NEDD4L: variants seen among roughly 807,000 people sequenced by gnomAD.
The protein encoded by NEDD4L is NEDD4 like E3 ubiquitin protein ligase.
In NEDD4L, 54 loss-of-function variants were observed where a neutral mutation model predicts 148.9. That is an observed-to-expected ratio of 0.36 (90% CI 0.29 to 0.45). The LOEUF is 0.45. Among genes scored for constraint, NEDD4L ranks in the 20% least tolerant of loss-of-function variants. The probability of loss-of-function intolerance (pLI) is 1.00; values close to 1 mark genes in which losing one functional copy is unlikely to be tolerated. For missense variants in NEDD4L, 856 were observed against 1,233.8 expected (o/e 0.69, Z 4.59); for synonymous variants, 433 against 440.7 (o/e 0.98, Z 0.22).
chr18:58,352,800 T>A (rs1467053299), intron 18 of NEDD4L, among the ~76,000 whole-genome samples: 1 of 152,238 alleles, frequency 6.6e-6, no homozygotes, highest in Non-Finnish European at 1.5e-5. Context: ...TGGAGAGCAT[T>A]GCACACAATA....
chr18:58,159,777 G>A (rs1257885349), intron 1 of NEDD4L, among the ~76,000 whole-genome samples: 1 of 152,212 alleles, frequency 6.6e-6, no homozygotes, highest in East Asian at 1.9e-4. Context: ...AATGCAGAGA[G>A]TGTTTACCCT....
chr18:58,173,103 CA>C (rs1437253924), intron 2 of NEDD4L, among the ~76,000 whole-genome samples: 1 of 152,188 alleles, frequency 6.6e-6, no homozygotes, highest in Non-Finnish European at 1.5e-5. Flanking sequence ...GTTCAAATTT[CA>C]AACTCTTCTT....
intron 24 of NEDD4L, among the ~76,000 whole-genome samples, chr18:58,383,020 G>C (rs561004765): frequency 1.3e-5 from 2 of 152,280 alleles, no homozygotes; most frequent in South Asian, 2.1e-4. Flanking sequence ...ATAATTAAAA[G>C]TCATAAATAA....
At chr18:58,254,560 C>CAAAA (rs71173040) in intron 5 of NEDD4L, among the ~76,000 whole-genome samples, 1,143 of 111,852 alleles carry the variant, frequency 0.01, 8 homozygotes, top group Non-Finnish European at 0.015. Context: ...AAATTATTAC[C>CAAAA]AAAAAAAAAA....
chr18:58,095,538 G>A (rs886589032), intron 1 of NEDD4L, among the ~76,000 whole-genome samples: 6 of 152,170 alleles, frequency 3.9e-5, no homozygotes, highest in African/African-American at 7.2e-5. Context: ...GGGCTCAGTC[G>A]GGGCCAAAGG....
chr18:58,208,103 A>G (rs751845713), intron 2 of NEDD4L, among the ~76,000 whole-genome samples: 12 of 152,220 alleles, frequency 7.9e-5, no homozygotes, highest in Non-Finnish European at 1.5e-4. Context: ...GGAACATTAA[A>G]TGGTTCCTAC....
In NEDD4L at chr18:58,391,513, A is replaced by G. The variant is rs757461439; in HGVS notation, c.2779A>G (p.Ile927Val). The change falls in exon 30 of 31, where the codon ATA (isoleucine) becomes GTA (valine). Residue 927 changes from isoleucine to valine, a missense_variant. Around this residue, in one of 4 missense-constraint regions of NEDD4L, gnomAD observed 286 missense variants for 531.8 expected, o/e 0.54. Transcript: ENST00000400345. ...YGSNGPQLFT[I>V]EQWGSPEKLP... ...TTCCAATGGTCCTCAGCTGTTTACA[A>G]TAGAGCAATGGGGCAGTCCTGAGAA... 7.1e-5 allele frequency: 112 copies of G among 1,583,652 alleles called. No homozygotes were observed. Among genetic ancestry groups the G allele is most frequent in the Non-Finnish European group, 9.2e-5 (107 of 1,163,772 alleles).
At chr18:58,292,008 G>T (rs2054828218) in intron 5 of NEDD4L, among the ~76,000 whole-genome samples, 1 of 152,148 alleles carries the variant, frequency 6.6e-6, no homozygotes, top group Non-Finnish European at 1.5e-5. Flanking sequence ...CTGTAACCCT[G>T]TAGGAAACCC....
At chr18:58,389,610 C>T (rs2049531495) in intron 28 of NEDD4L, 1 of 159,520 alleles carries the variant, frequency 6.3e-6, no homozygotes, top group Non-Finnish European at 1.4e-5. Context: ...ATATTTTGAT[C>T]TGTGTATCTT....
chr18:58,111,162 C>T (rs772377554), intron 1 of NEDD4L, among the ~76,000 whole-genome samples: 10 of 152,086 alleles, frequency 6.6e-5, no homozygotes, highest in Non-Finnish European at 1.3e-4. Context: ...CTGCCTCCTG[C>T]GTTCAAGCAA....
At chr18:58,218,823 GC>G (rs1259213177) in intron 2 of NEDD4L, among the ~76,000 whole-genome samples, 1 of 152,168 alleles carries the variant, frequency 6.6e-6, no homozygotes, top group African/African-American at 2.4e-5. Context: ...TTTCACTATA[GC>G]CTGGTGATCA....
intron 5 of NEDD4L, among the ~76,000 whole-genome samples, chr18:58,276,227 G>T (rs1171312471): frequency 7.4e-6 from 1 of 134,906 alleles, no homozygotes; most frequent in Non-Finnish European, 1.6e-5. Context: ...GGGGAGGGGG[G>T]TGGTTTTCTG....
At chr18:58,056,529 C>G (rs1036368854) in intron 1 of NEDD4L, among the ~76,000 whole-genome samples, 15 of 152,164 alleles carry the variant, frequency 9.9e-5, no homozygotes, top group Non-Finnish European at 2.1e-4. Flanking sequence ...CTGGCTCTTT[C>G]CAGGGCTTCT....
chr18:58,219,761 A>G, intron 2 of NEDD4L, among the ~76,000 whole-genome samples: 1 of 152,234 alleles, frequency 6.6e-6, no homozygotes, highest in South Asian at 2.1e-4. Flanking sequence ...CATCTGAAGT[A>G]TTAAAGACTT....
At chr18:58,234,151 T>C (rs1038403354) in intron 2 of NEDD4L, among the ~76,000 whole-genome samples, 1 of 150,806 alleles carries the variant, frequency 6.6e-6, no homozygotes, top group African/African-American at 2.4e-5. Flanking sequence ...CTCTCTCTCT[T>C]TCTTTCTTCT....
intron 13 of NEDD4L, chr18:58,335,902 C>A: frequency 4.2e-6 from 1 of 236,682 alleles, no homozygotes; most frequent in Non-Finnish European, 8.4e-6. Flanking sequence ...AAAGAAGCCA[C>A]AGGAATTGCA....
intron 1 of NEDD4L, among the ~76,000 whole-genome samples, chr18:58,107,231 C>T (rs1420917945): frequency 6.6e-6 from 1 of 152,202 alleles, no homozygotes; most frequent in Admixed American, 6.5e-5. Flanking sequence ...TACAGTCACA[C>T]TCCGAGGTAC....
chr18:58,226,644 G>A (rs764318176), intron 2 of NEDD4L, among the ~76,000 whole-genome samples: 7 of 152,010 alleles, frequency 4.6e-5, no homozygotes, highest in Non-Finnish European at 1.0e-4. Flanking sequence ...CTGGGGACAG[G>A]GAAGGCTTTG....
chr18:58,388,743 G>A (rs1001262909), intron 27 of NEDD4L: 10 of 239,090 alleles, frequency 4.2e-5, no homozygotes, highest in Admixed American at 2.0e-4. Flanking sequence ...AGGAGAAGCA[G>A]CCAGGGTAAT....
Sources: allele counts gnomAD v4.1 joint callset (sites outside exome capture counted in the v4.1 genomes callset), GRCh38; gene constraint gnomAD v4.1.1; regional missense constraint gnomAD v4.1.1; transcripts MANE v1.5; gene names NCBI Gene and HGNC (gene_info 2026-07-23, HGNC 2026-07-21).